DYM: variants seen among roughly 807,000 people sequenced by gnomAD.
The protein encoded by DYM is dyggve-Melchior-Clausen syndrome protein.
Under a neutral mutation model 93.1 loss-of-function variants are expected in DYM, and 78 were observed. That is an observed-to-expected ratio of 0.84 (90% confidence interval 0.70 to 1.01). The LOEUF (loss-of-function observed/expected upper bound fraction) is 1.01, where lower values mean the gene tolerates loss of function less well. Ranked by LOEUF, DYM falls within the 50% of genes least tolerant of loss-of-function variation. DYM has a pLI of 0.00. For missense variants in DYM, 789 were observed against 845.0 expected (o/e 0.93, Z 0.82); for synonymous variants, 321 against 319.7 (o/e 1.00, Z -0.04).
intron 6 of DYM, among the ~76,000 whole-genome samples, chr18:49,337,837 G>A (rs539188102): frequency 1.3e-5 from 2 of 152,118 alleles, no homozygotes; most frequent in African/African-American, 4.8e-5. Flanking sequence ...TGATATTTGA[G>A]CAGACGAAGA....
intron 13 of DYM, among the ~76,000 whole-genome samples, chr18:49,232,922 C>T (rs2144492884): frequency 6.6e-6 from 1 of 152,072 alleles, no homozygotes; most frequent in East Asian, 1.9e-4. Context: ...AACGGAATTT[C>T]TTATACTTAA....
chr18:49,163,506 C>T (rs935752371), intron 15 of DYM, among the ~76,000 whole-genome samples, 179 bp downstream of exon 15: 1 of 151,882 alleles, frequency 6.6e-6, no homozygotes. Flanking sequence ...CCACCACACC[C>T]GGCTAATTTT....
At chr18:49,410,002 C>T (rs1377566233) in intron 2 of DYM, among the ~76,000 whole-genome samples, 2 of 152,114 alleles carry the variant, frequency 1.3e-5, no homozygotes, top group Admixed American at 1.3e-4. Flanking sequence ...TTTCCTTTGT[C>T]ATCTCAATCT....
intron 17 of DYM, among the ~76,000 whole-genome samples, chr18:49,068,937 A>C (rs1029183066): frequency 6.6e-6 from 1 of 152,272 alleles, no homozygotes; most frequent in Non-Finnish European, 1.5e-5. Context: ...CACTGGAACC[A>C]GGAGAAAGTT....
rs1201507445 is a variant in DYM at position 49,318,823 on chromosome 18, C to T, written c.763+13041G>A. On this transcript the variant is annotated intron_variant, in intron 8 of 17. Transcript: ENST00000675505. Reference sequence around the variant, plus strand: ...TTTTTTTTTTTTTTTTTTTTTGAGACAGAGTCTCACTCTGTCGCCCAGGCT... The same window carrying T: ...TTTTTTTTTTTTTTTTTTTTTGAGATAGAGTCTCACTCTGTCGCCCAGGCT... 3.8e-5 allele frequency among the ~76,000 whole-genome samples: 4 copies of T among 106,378 alleles called. No homozygotes were observed. The East Asian group carries it at 9.1e-4, about 24-fold the overall frequency. The allele number at this position is 106,378 out of a possible 152,430, so 69.8% of individuals were successfully genotyped here.
intron 15 of DYM, among the ~76,000 whole-genome samples, chr18:49,123,235 T>C (rs532613045): frequency 6.6e-6 from 1 of 152,342 alleles, no homozygotes; most frequent in African/African-American, 2.4e-5. Context: ...CAAGCTTATC[T>C]AATATGGCTT....
intron 15 of DYM, among the ~76,000 whole-genome samples, chr18:49,146,825 C>T (rs1407865331): frequency 6.6e-6 from 1 of 152,138 alleles, no homozygotes; most frequent in Non-Finnish European, 1.5e-5. Flanking sequence ...TGACCTTCTT[C>T]ACAGAATTGG....
chr18:49,097,231 T>C (rs1411717252), intron 17 of DYM, 171 bp downstream of exon 17: 6 of 662,464 alleles, frequency 9.1e-6, no homozygotes, highest in African/African-American at 1.8e-5. Context: ...GGCATGAAAG[T>C]ATTAATGCTT....
intron 12 of DYM, 108 bp from the exon 13 acceptor site, chr18:49,257,212 G>C: frequency 1.2e-6 from 1 of 846,430 alleles, no homozygotes; most frequent in Non-Finnish European, 2.0e-6. Context: ...ACTGATTTTA[G>C]AAAGTTCAGA....
chr18:49,442,464 T>C (rs985048633), intron 1 of DYM, among the ~76,000 whole-genome samples: 1 of 151,962 alleles, frequency 6.6e-6, no homozygotes, highest in Admixed American at 6.6e-5. Context: ...GGTGAGAGGA[T>C]TGCCTGAGCC....
intron 13 of DYM, among the ~76,000 whole-genome samples, chr18:49,238,220 A>G (rs528468726): frequency 6.6e-6 from 1 of 152,326 alleles, no homozygotes; most frequent in South Asian, 2.1e-4. Flanking sequence ...GGTAAGAAAT[A>G]GCATGTCAGT....
intron 7 of DYM, among the ~76,000 whole-genome samples, chr18:49,332,621 A>C (rs529598997): frequency 6.6e-6 from 1 of 152,340 alleles, no homozygotes; most frequent in Admixed American, 6.5e-5. Flanking sequence ...CCTGCAATAT[A>C]GAGTAAACTT....
intron 2 of DYM, among the ~76,000 whole-genome samples, chr18:49,394,934 TA>T (rs1480818885): frequency 6.6e-6 from 1 of 152,198 alleles, no homozygotes; most frequent in Non-Finnish European, 1.5e-5. Flanking sequence ...GTAAACTGAA[TA>T]TTCACATGCA....
chr18:49,281,509 T>A (rs2094975403), intron 10 of DYM, among the ~76,000 whole-genome samples: 1 of 152,188 alleles, frequency 6.6e-6, no homozygotes, highest in Admixed American at 6.5e-5. Flanking sequence ...CACACGCATG[T>A]TTATGGCAGT....
chr18:49,290,737 G>A (rs1346334473), intron 8 of DYM, among the ~76,000 whole-genome samples: 1 of 152,020 alleles, frequency 6.6e-6, no homozygotes, highest in African/African-American at 2.4e-5. Flanking sequence ...TCCATCTACA[G>A]GTCCCTGGCA....
At chr18:49,404,019 T>G (rs193228599) in intron 2 of DYM, among the ~76,000 whole-genome samples, 2 of 152,218 alleles carry the variant, frequency 1.3e-5, no homozygotes, top group East Asian at 3.9e-4. Flanking sequence ...GTTTGTTTGT[T>G]TGTTTTGAGA....
intron 16 of DYM, chr18:49,114,643 T>C: frequency 3.3e-6 from 3 of 905,562 alleles, no homozygotes; most frequent in Non-Finnish European, 4.0e-6. Context: ...ATATGGTCTT[T>C]CAGAGACTTT....
At chr18:49,076,712 C>T (rs2077339006) in intron 17 of DYM, among the ~76,000 whole-genome samples, 1 of 152,110 alleles carries the variant, frequency 6.6e-6, no homozygotes, top group Non-Finnish European at 1.5e-5. Context: ...TGCTGTCAGC[C>T]CTGATCACTT....
At chr18:49,234,166 C>T (rs1286281057) in intron 13 of DYM, among the ~76,000 whole-genome samples, 1 of 150,862 alleles carries the variant, frequency 6.6e-6, no homozygotes, top group Non-Finnish European at 1.5e-5. Context: ...AAGAGTTACT[C>T]AGTGCTGGCC....
Sources: gnomAD v4.1 joint callset for allele counts (sites outside exome capture counted in the v4.1 genomes callset) on GRCh38, gnomAD v4.1.1 for gene constraint, MANE v1.5 for transcripts, NCBI Gene and HGNC (gene_info 2026-07-23, HGNC 2026-07-21) for gene names.